The following MAEA variants were observed in gnomAD, a reference collection of about 807,000 sequenced individuals.
MAEA encodes the protein E3 ubiquitin-protein transferase MAEA.
MAEA carries 22 observed loss-of-function variants against 46.2 expected under a neutral mutation model. The ratio of observed to expected loss-of-function variants is 0.48; its 90% CI spans 0.34 to 0.68. MAEA has a LOEUF of 0.68. Among genes scored for constraint, MAEA ranks in the 30% least tolerant of loss-of-function variants. The probability of loss-of-function intolerance (pLI) is 0.01; values close to 1 mark genes in which losing one functional copy is unlikely to be tolerated. For missense variants in MAEA, 393 were observed against 558.1 expected (o/e 0.70, Z 2.98); for synonymous variants, 246 against 222.6 (o/e 1.11, Z -0.94).
intron 5 of MAEA, chr4:1,330,329 C>CGT (rs376997325): frequency 0.016 from 1,070 of 67,216 alleles, 50 homozygotes; most frequent in Admixed American, 0.081. Context: ...TCTCTCTTTC[C>CGT]GTGTGTGTGT....
chr4:1,340,129 T>G lies in MAEA; in HGVS notation c.*960T>G, dbSNP rs1410580486. Reference sequence around the variant, plus strand: ...AAACCATGCGAATAAAATGGTTTTCTATTTCTCATTTCCGTGTGAGCCGAG... The same window carrying G: ...AAACCATGCGAATAAAATGGTTTTCGATTTCTCATTTCCGTGTGAGCCGAG... On this transcript the variant is annotated 3_prime_UTR_variant, in exon 9 of 9. Coordinates refer to ENST00000303400, the MANE Select transcript of MAEA (RefSeq NM_001017405.3). The G allele has an allele frequency of 6.5e-6, 1 of 152,716 alleles. No homozygotes were observed. The highest frequency in any genetic ancestry group is 2.4e-5 in the African/African-American group (1 of 41,482). 9.5% of individuals were successfully genotyped at this position (152,716 alleles called of 1,614,324 possible).
intron 1 of MAEA, chr4:1,309,833 G>C (rs1331922744): frequency 7.4e-7 from 1 of 1,359,522 alleles, no homozygotes; most frequent in South Asian, 1.7e-5. Context: ...CCAGCTGCCC[G>C]GAGCTCTGCC....
At chr4:1,303,472 T>C (rs58572555) in intron 1 of MAEA, among the ~76,000 whole-genome samples, 23,121 of 150,392 alleles carry the variant, frequency 0.15, 3,419 homozygotes, top group East Asian at 0.42. Context: ...CCTAAACAAA[T>C]AGGTATACGA....
At chr4:1,319,864 A>G (rs1336398409) in intron 3 of MAEA, among the ~76,000 whole-genome samples, 1 of 152,172 alleles carries the variant, frequency 6.6e-6, no homozygotes, top group Non-Finnish European at 1.5e-5. Context: ...AGAAAACACT[A>G]TGAAGGGGCT....
At chr4:1,320,266 CTA>C (rs145500147) in intron 3 of MAEA, among the ~76,000 whole-genome samples, 2,236 of 148,138 alleles carry the variant, frequency 0.015, 64 homozygotes, top group African/African-American at 0.053. Flanking sequence ...CAAGAAAACT[CTA>C]TGACGGGGCT....
chr4:1,308,823 A>G (rs1426680409), intron 1 of MAEA, among the ~76,000 whole-genome samples: 1 of 152,262 alleles, frequency 6.6e-6, no homozygotes, highest in Admixed American at 6.5e-5. Context: ...CTCCATATGC[A>G]GATCCCTGGG....
chr4:1,299,036 C>T (rs1467936583), intron 1 of MAEA, among the ~76,000 whole-genome samples: 2 of 152,018 alleles, frequency 1.3e-5, no homozygotes, highest in Admixed American at 6.6e-5. Context: ...CGCCTGCTTC[C>T]GTGTCTGGCT....
chr4:1,317,774 C>T (rs1269843883), intron 3 of MAEA, among the ~76,000 whole-genome samples: 1 of 152,226 alleles, frequency 6.6e-6, no homozygotes, highest in Non-Finnish European at 1.5e-5. Flanking sequence ...GCAAAGTGCA[C>T]TGATCCTCTG....
intron 3 of MAEA, among the ~76,000 whole-genome samples, chr4:1,318,644 G>A (rs972203575): frequency 2.0e-5 from 3 of 152,188 alleles, no homozygotes; most frequent in Non-Finnish European, 4.4e-5. Flanking sequence ...TTGACCACAG[G>A]TGACCATGGC....
intron 7 of MAEA, chr4:1,338,141 G>A (rs996642049): frequency 2.7e-5 from 11 of 410,718 alleles, no homozygotes; most frequent in African/African-American, 1.4e-4. Context: ...TTGCGTGGCC[G>A]GGGAGAGGGC....
chr4:1,335,701 G>C, intron 6 of MAEA: 2 of 985,298 alleles, frequency 2.0e-6, no homozygotes, highest in Non-Finnish European at 2.4e-6. Context: ...TGAAACCACA[G>C]AGTTAAGTCA....
chr4:1,319,805 G>T lies in MAEA; in HGVS notation c.457-2576G>T, dbSNP rs114638863. Among the ~76,000 whole-genome samples, 99 of 149,468 alleles carry T rather than the reference G, an allele frequency of 6.6e-4. No homozygotes were observed. The Middle Eastern group carries it at 0.017, about 26-fold the overall frequency. ...AGACTTTGTGGGAGACCCAACATTC[G>T]CCTGCCCTGAAGGGGCTTCAGAAAA... is the stretch of plus-strand genomic sequence containing the variant. On this transcript the variant is annotated intron_variant, in intron 3 of 8. Coordinates refer to ENST00000303400, the MANE Select transcript of MAEA (RefSeq NM_001017405.3).
intron 4 of MAEA, among the ~76,000 whole-genome samples, chr4:1,324,104 G>A (rs1310539671): frequency 2.6e-5 from 4 of 151,768 alleles, no homozygotes; most frequent in African/African-American, 7.3e-5. Context: ...TGGTGGATGA[G>A]TGTGCCTGGT....
chr4:1,308,681 T>G (rs1736073809), intron 1 of MAEA, among the ~76,000 whole-genome samples: 1 of 152,234 alleles, frequency 6.6e-6, no homozygotes, highest in East Asian at 1.9e-4. Flanking sequence ...GTGGAGCATC[T>G]TGTCATGTGC....
intron 1 of MAEA, among the ~76,000 whole-genome samples, chr4:1,298,338 C>G (rs994094745): frequency 6.6e-6 from 1 of 152,124 alleles, no homozygotes. Flanking sequence ...GTGCCGTCTT[C>G]TGGTTATCCA....
chr4:1,338,989 G>T, intron 8 of MAEA, 85 bp from the exon 9 acceptor site: 1 of 1,114,312 alleles, frequency 9.0e-7, no homozygotes. Flanking sequence ...TCATTCCCTG[G>T]TGGTTCATTG....
intron 5 of MAEA, chr4:1,329,247 G>A (rs139265424): frequency 1.5e-5 from 15 of 982,912 alleles, no homozygotes; most frequent in South Asian, 4.7e-5. Context: ...CCCTGGCTCC[G>A]TGTAGGGTCT....
At chr4:1,317,078 C>A (rs1376774306) in intron 3 of MAEA, among the ~76,000 whole-genome samples, 4 of 122,258 alleles carry the variant, frequency 3.3e-5, no homozygotes, top group Admixed American at 7.9e-5. Context: ...CAGGCCCACC[C>A]CGGCCCCCAC....
chr4:1,303,554 G>A (rs374137361), intron 1 of MAEA, among the ~76,000 whole-genome samples: 1 of 152,140 alleles, frequency 6.6e-6, no homozygotes, highest in African/African-American at 2.4e-5. Context: ...GGTGAACCTG[G>A]TAAACATGCT....
Sources: gnomAD v4.1 joint callset for allele counts (sites outside exome capture counted in the v4.1 genomes callset) on GRCh38, gnomAD v4.1.1 for gene constraint, MANE v1.5 for transcripts, NCBI Gene and HGNC (gene_info 2026-07-23, HGNC 2026-07-21) for gene names.